Variants in WDR48 observed in about 807,000 individuals in gnomAD.
WDR48 encodes the protein WD repeat domain 48, also known as WD repeat-containing protein 48.
WDR48 carries 22 observed loss-of-function variants against 94.0 expected under a neutral mutation model. The ratio of observed to expected loss-of-function variants is 0.23; its 90% confidence interval spans 0.17 to 0.33. The LOEUF (loss-of-function observed/expected upper bound fraction) is 0.33, where lower values mean the gene tolerates loss of function less well. WDR48 is among the 10% of genes least tolerant of loss of function. The pLI is 1.00. For missense variants in WDR48, 541 were observed against 813.8 expected, an observed-to-expected ratio of 0.66 and a Z score of 4.08; for synonymous variants, 278 against 280.5, an observed-to-expected ratio of 0.99 and a Z score of 0.09.
chr3:39,052,462 G>A (rs944068591), intron 1 of WDR48: 2 of 196,244 alleles, frequency 1.0e-5, no homozygotes, highest in African/African-American at 2.4e-5. Flanking sequence ...GGTTTCCCAG[G>A]GGGGTGGGCG....
At chr3:39,071,207 G>C (rs1385782677) in intron 7 of WDR48, among the ~76,000 whole-genome samples, 5 of 152,210 alleles carry the variant, frequency 3.3e-5, no homozygotes, top group Non-Finnish European at 7.4e-5. Context: ...ATAATATATA[G>C]TTTATATAGT....
intron 1 of WDR48, among the ~76,000 whole-genome samples, chr3:39,058,968 G>A (rs552310462): frequency 4.0e-5 from 6 of 151,864 alleles, no homozygotes; most frequent in Admixed American, 2.0e-4. Flanking sequence ...TAAGCTACTC[G>A]GGAGCCTGAG....
intron 14 of WDR48, 74 bp from the exon 15 acceptor site, chr3:39,088,054 G>GT: frequency 7.3e-7 from 1 of 1,374,992 alleles, no homozygotes; most frequent in Non-Finnish European, 1.0e-6. Flanking sequence ...TTTGAAGCTT[G>GT]TGGGAGTAAA....
At chr3:39,061,074 T>C (rs939357781) in intron 1 of WDR48, among the ~76,000 whole-genome samples, 15 of 152,250 alleles carry the variant, frequency 9.9e-5, no homozygotes, top group South Asian at 2.1e-4. Context: ...TTGTTCCTAA[T>C]AGAATCACTA....
At chr3:39,076,687 A>G (rs1575417363) in intron 8 of WDR48, among the ~76,000 whole-genome samples, 1 of 152,330 alleles carries the variant, frequency 6.6e-6, no homozygotes, top group South Asian at 2.1e-4. Flanking sequence ...ACAGTAAGCT[A>G]TTCCCAGGTG....
chr3:39,089,537 A>G (rs2034977976), intron 16 of WDR48: 1 of 312,572 alleles, frequency 3.2e-6, no homozygotes, highest in Non-Finnish European at 5.8e-6. Context: ...ATATATGCTT[A>G]TTCAACAAAA....
At chr3:39,087,612 C>G (rs1345413662) in intron 14 of WDR48, among the ~76,000 whole-genome samples, 1 of 152,102 alleles carries the variant, frequency 6.6e-6, no homozygotes, top group South Asian at 2.1e-4. Context: ...GAATGAGACC[C>G]CGTCTCAAAG....
intron 14 of WDR48, 84 bp downstream of exon 14, chr3:39,085,694 C>A: frequency 8.7e-7 from 1 of 1,143,986 alleles, no homozygotes; most frequent in Non-Finnish European, 1.3e-6. Flanking sequence ...TTACTTAAAC[C>A]GTTAGCTAAA....
chr3:39,094,469 AC>A, intron 18 of WDR48, 178 bp from the exon 19 acceptor site: 2 of 1,534,426 alleles, frequency 1.3e-6, no homozygotes, highest in South Asian at 2.4e-5. Flanking sequence ...CAAAAGATGT[AC>A]ATCTCACTAA....
At chr3:39,074,628 G>T in intron 7 of WDR48, 98 bp from the exon 8 acceptor site, 1 of 1,159,922 alleles carries the variant, frequency 8.6e-7, no homozygotes, top group Non-Finnish European at 1.2e-6. Context: ...TAATAGAGTC[G>T]TGTGTTTGAC....
Position 39,084,259 on chromosome 3 carries a change from A to G in WDR48, c.1278A>G (p.Thr426=), listed in dbSNP as rs370496862. Residue 426 remains threonine (T), a synonymous_variant, in exon 12 of 19, where the codon ACA becomes ACG. Transcript: ENST00000302313. ...ATTGGTTCTCAGTAGACTTAAAAAC[A>G]GGGGTAAGTTAGCAATTGATACTTG... ...VPNWFSVDLK[T]GMLTITLDES... is the part of the protein sequence containing the mutation. 15 of 1,600,806 alleles carry G rather than the reference A, an allele frequency of 9.4e-6. No homozygotes were observed. The highest frequency in any genetic ancestry group is 1.7e-5 in the Admixed American group (1 of 59,682).
Position 39,094,754 on chromosome 3 carries a change from A to C in WDR48, c.*11A>C. ...CAGAAGTCCACGTGAAGGCTGGGCTAATGCTCCTGGATATTCATTTACGAC... is the reference window on the plus strand; with the variant it reads ...CAGAAGTCCACGTGAAGGCTGGGCTCATGCTCCTGGATATTCATTTACGAC... On this transcript the variant is annotated 3_prime_UTR_variant, in exon 19 of 19. Transcript: ENST00000302313. 1.2e-6 allele frequency: 2 copies of C among 1,614,014 alleles called. No homozygotes were observed. Among genetic ancestry groups the C allele is most frequent in the Non-Finnish European group, 1.7e-6 (2 of 1,179,992 alleles).
chr3:39,063,295 G>A (rs941904726), intron 2 of WDR48, 105 bp downstream of exon 2: 12 of 1,413,926 alleles, frequency 8.5e-6, no homozygotes, highest in Non-Finnish European at 1.2e-5. Context: ...TCTGAATGCT[G>A]AGTTATTTGG....
At chr3:39,088,606 T>C (rs2034932705) in intron 15 of WDR48, among the ~76,000 whole-genome samples, 1 of 152,198 alleles carries the variant, frequency 6.6e-6, no homozygotes, top group Non-Finnish European at 1.5e-5. Flanking sequence ...TACATTACTT[T>C]TCTTAGGCTG....
chr3:39,078,319 C>G (rs1330052530), intron 10 of WDR48, 80 bp downstream of exon 10: 1 of 963,292 alleles, frequency 1.0e-6, no homozygotes, highest in Middle Eastern at 2.1e-4. Context: ...AAGACAATGA[C>G]CTTTCTTTAA....
intron 1 of WDR48, among the ~76,000 whole-genome samples, chr3:39,057,212 G>C (rs1036337322): frequency 3.3e-5 from 5 of 152,196 alleles, no homozygotes; most frequent in African/African-American, 1.2e-4. Context: ...AGAGTAGAGG[G>C]AGGAGATATT....
At chr3:39,068,623 G>T in intron 5 of WDR48, 148 bp from the exon 6 acceptor site, 1 of 527,380 alleles carries the variant, frequency 1.9e-6, no homozygotes, top group Non-Finnish European at 3.5e-6. Context: ...ATACTGTTTA[G>T]ATTTATCTCC....
chr3:39,074,859 C>T lies in WDR48; in HGVS notation c.806C>T (p.Ser269Phe). 1 of 1,614,194 alleles carries T rather than the reference C, an allele frequency of 6.2e-7. No homozygotes were observed. The highest frequency in any genetic ancestry group is 8.5e-7 in the Non-Finnish European group (1 of 1,180,040). The change falls in exon 8 of 19, where the codon TCT (serine) becomes TTT (phenylalanine). Residue 269 changes from serine (S) to phenylalanine (F), a missense_variant. By Grantham distance (155) the Ser-to-Phe change is radical. Coordinates refer to ENST00000302313, the MANE Select transcript of WDR48 (RefSeq NM_020839.4). ...AATGATGCCTTCACACATGTGTATT[C>T]TGGTGGAAGGGACAGGAAGATTTAT... is the stretch of plus-strand genomic sequence containing the variant. ...QVNDAFTHVY[S>F]GGRDRKIYCT... is the part of the protein sequence containing the mutation.
At chr3:39,081,137 G>C (rs1316108888) in intron 11 of WDR48, among the ~76,000 whole-genome samples, 2 of 152,072 alleles carry the variant, frequency 1.3e-5, no homozygotes, top group Non-Finnish European at 2.9e-5. Context: ...GAGCACCATA[G>C]GAAAGGTTAA....
Sources: allele counts gnomAD v4.1 joint callset (sites outside exome capture counted in the v4.1 genomes callset), GRCh38; gene constraint gnomAD v4.1.1; transcripts MANE v1.5; gene names NCBI Gene and HGNC (gene_info 2026-07-23, HGNC 2026-07-21).